Variants in BAZ2B observed in about 807,000 individuals in gnomAD.
The protein encoded by BAZ2B is bromodomain adjacent to zinc finger domain 2B.
A neutral mutation model predicts 246.0 loss-of-function variants in BAZ2B; 91 were observed. The ratio of observed to expected loss-of-function variants is 0.37; its 90% CI spans 0.31 to 0.44. The LOEUF is 0.44. Among genes scored for constraint, BAZ2B ranks in the 20% least tolerant of loss-of-function variants. The pLI is 1.00. For missense variants in BAZ2B, 2,332 were observed against 2,533.7 expected (o/e 0.92, Z 1.71); for synonymous variants, 855 against 860.0 (o/e 0.99, Z 0.10).
At chr2:159,650,839 A>G in the BAZ2B span, among the ~76,000 whole-genome samples, 1 of 152,182 alleles carries the variant, frequency 6.6e-6, no homozygotes, top group East Asian at 1.9e-4. Context: ...AGCTGAGACC[A>G]TAATAGGGCC....
intron 2 of BAZ2B, among the ~76,000 whole-genome samples, chr2:159,526,842 TAATAG>T (rs751209243): frequency 1.5e-3 from 221 of 152,244 alleles, no homozygotes; most frequent in Non-Finnish European, 2.5e-3. Context: ...GAAAAAAACC[TAATAG>T]TTTTTTGTTT....
intron 27 of BAZ2B, among the ~76,000 whole-genome samples, chr2:159,357,217 T>G (rs1390931693): frequency 6.6e-6 from 1 of 151,950 alleles, no homozygotes; most frequent in Non-Finnish European, 1.5e-5. Flanking sequence ...GCGATGAAGC[T>G]AAGAACCTTG....
intron 1 of BAZ2B, among the ~76,000 whole-genome samples, chr2:159,589,471 G>C (rs1688794844): frequency 2.0e-5 from 3 of 151,928 alleles, no homozygotes; most frequent in Admixed American, 2.0e-4. Flanking sequence ...CAGCCACACT[G>C]TGAGGAAAAA....
At chr2:159,634,110 C>G in the BAZ2B span, among the ~76,000 whole-genome samples, 1 of 152,194 alleles carries the variant, frequency 6.6e-6, no homozygotes, top group Non-Finnish European at 1.5e-5. Context: ...ATTTTCACTA[C>G]TGCCTTTAAT....
At chr2:159,536,992 A>G (rs2086077584) in intron 2 of BAZ2B, among the ~76,000 whole-genome samples, 1 of 152,230 alleles carries the variant, frequency 6.6e-6, no homozygotes, top group Non-Finnish European at 1.5e-5. Context: ...GTGAAGAGGC[A>G]AAAGCAACCC....
chr2:159,332,756 C>T (rs1162135526), intron 33 of BAZ2B, 70 bp from the exon 34 acceptor site: 3 of 1,506,178 alleles, frequency 2.0e-6, no homozygotes, highest in African/African-American at 2.8e-5. Context: ...ATGTTAAACA[C>T]ACCATAATTC....
the BAZ2B span, among the ~76,000 whole-genome samples, chr2:159,675,677 C>T: frequency 6.6e-6 from 1 of 152,296 alleles, no homozygotes; most frequent in South Asian, 2.1e-4. Flanking sequence ...CATATTTCCC[C>T]ATATATCATC....
chr2:159,483,269 C>T (rs779172277), intron 2 of BAZ2B, among the ~76,000 whole-genome samples: 7 of 152,074 alleles, frequency 4.6e-5, no homozygotes, highest in Non-Finnish European at 7.4e-5. Flanking sequence ...GTGATCATGG[C>T]TCACTGCAGC....
intron 2 of BAZ2B, among the ~76,000 whole-genome samples, chr2:159,555,098 T>TC (rs1273818663): frequency 2.0e-5 from 3 of 149,438 alleles, no homozygotes; most frequent in Admixed American, 1.3e-4. Flanking sequence ...GTATTTTTTT[T>TC]TTTTTTTTTT....
At chr2:159,350,617 C>T (rs1057388132) in intron 27 of BAZ2B, among the ~76,000 whole-genome samples, 3 of 152,134 alleles carry the variant, frequency 2.0e-5, no homozygotes, top group Admixed American at 6.6e-5. Flanking sequence ...TTCTTCCAGG[C>T]TGGAGTGCAA....
At chr2:159,439,323 C>A in intron 6 of BAZ2B, 111 bp from the exon 7 acceptor site, 1 of 992,842 alleles carries the variant, frequency 1.0e-6, no homozygotes, top group South Asian at 1.7e-5. Context: ...CTCAAAATGT[C>A]ATTGTAGGAA....
At chr2:159,575,470 A>C (rs1424932560) in intron 1 of BAZ2B, among the ~76,000 whole-genome samples, 1 of 152,214 alleles carries the variant, frequency 6.6e-6, no homozygotes, top group Non-Finnish European at 1.5e-5. Flanking sequence ...TATAAAGGTA[A>C]ATGGAGGAAT....
At chr2:159,649,233 C>T in the BAZ2B span, among the ~76,000 whole-genome samples, 4 of 151,912 alleles carry the variant, frequency 2.6e-5, no homozygotes, top group Admixed American at 6.6e-5. Context: ...CTATACAGCT[C>T]ACCATAATGT....
intron 27 of BAZ2B, among the ~76,000 whole-genome samples, chr2:159,357,703 G>A (rs1354842873): frequency 6.6e-6 from 1 of 152,134 alleles, no homozygotes; most frequent in Non-Finnish European, 1.5e-5. Flanking sequence ...AAATGTTAAG[G>A]ACAGCCAGAG....
At chr2:159,465,869 G>A (rs1261749526) in intron 3 of BAZ2B, among the ~76,000 whole-genome samples, 1 of 151,242 alleles carries the variant, frequency 6.6e-6, no homozygotes, top group Non-Finnish European at 1.5e-5. Context: ...AGCTGAGATT[G>A]CACCACTGCA....
intron 2 of BAZ2B, among the ~76,000 whole-genome samples, chr2:159,530,342 T>C (rs1038473919): frequency 6.6e-6 from 1 of 152,236 alleles, no homozygotes; most frequent in Admixed American, 6.5e-5. Context: ...ACTGTCCAGC[T>C]GAACGTATTT....
At chr2:159,541,026 C>G (rs1054682458) in intron 2 of BAZ2B, among the ~76,000 whole-genome samples, 3 of 152,116 alleles carry the variant, frequency 2.0e-5, no homozygotes, top group Non-Finnish European at 4.4e-5. Context: ...GTCACAGAAA[C>G]TTCAGCCTTT....
intron 2 of BAZ2B, among the ~76,000 whole-genome samples, chr2:159,540,282 G>A (rs1009650855): frequency 3.9e-5 from 6 of 152,178 alleles, no homozygotes; most frequent in Non-Finnish European, 7.4e-5. Context: ...TCCTACCTAG[G>A]AATGTGCTGT....
intron 27 of BAZ2B, among the ~76,000 whole-genome samples, chr2:159,371,013 G>A (rs1389417153): frequency 1.3e-5 from 2 of 151,826 alleles, no homozygotes; most frequent in Non-Finnish European, 2.9e-5. Flanking sequence ...TCTCCATGTT[G>A]GTCAGGCTCG....
Sources: gnomAD v4.1 joint callset for allele counts (sites outside exome capture counted in the v4.1 genomes callset) on GRCh38, gnomAD v4.1.1 for gene constraint, MANE v1.5 for transcripts, NCBI Gene and HGNC (gene_info 2026-07-23, HGNC 2026-07-21) for gene names.